IQCM: variants seen among roughly 807,000 people sequenced by gnomAD.
IQCM encodes IQ motif containing M.
IQCM carries 45 observed loss-of-function variants against 57.6 expected under a neutral mutation model. The ratio of observed to expected loss-of-function variants is 0.78; its 90% CI spans 0.62 to 1.00. IQCM has a LOEUF of 1.00. IQCM is among the 50% of genes least tolerant of loss of function. The pLI is 0.00. For synonymous variants in IQCM, 148 were observed against 158.9 expected (o/e 0.93, Z 0.51); for missense variants, 468 against 511.6 (o/e 0.91, Z 0.82).
At chr4:149,662,393 T>C (rs994892001) in intron 7 of IQCM, among the ~76,000 whole-genome samples, 3 of 152,050 alleles carry the variant, frequency 2.0e-5, no homozygotes, top group Non-Finnish European at 2.9e-5. Context: ...CATGTGCAGA[T>C]GTTGGATGGC....
chr4:149,643,621 G>C (rs917868751), intron 7 of IQCM, among the ~76,000 whole-genome samples: 1 of 152,250 alleles, frequency 6.6e-6, no homozygotes. Context: ...GATCTCTATG[G>C]CTTAAGTACC....
In IQCM at chr4:149,367,464, G is replaced by A. The variant is rs537618913; in HGVS notation, c.1391-15398C>T. On this transcript the variant is annotated intron_variant, in intron 13 of 13. Coordinates refer to ENST00000636793, the MANE Select transcript of IQCM (RefSeq NM_001363507.2). ...TTCACATTTTGACTTATTTACTCAA[G>A]AGGAATCTCTTGAAATCTATCCAAG... Among the ~76,000 whole-genome samples the A allele has an allele frequency of 3.2e-4, 48 of 152,008 alleles. 1 individual carries two copies. The South Asian group carries it at 9.9e-3, about 31-fold the overall frequency.
chr4:149,509,862 C>T (rs537788368), intron 12 of IQCM, among the ~76,000 whole-genome samples: 7 of 152,036 alleles, frequency 4.6e-5, no homozygotes, highest in African/African-American at 1.7e-4. Context: ...AATCTTTGGT[C>T]CAATGTACTC....
At chr4:149,373,661 T>C (rs1281150319) in intron 13 of IQCM, among the ~76,000 whole-genome samples, 1 of 152,110 alleles carries the variant, frequency 6.6e-6, no homozygotes, top group Admixed American at 6.6e-5. Context: ...ATTATTGACA[T>C]TATAATCTTA....
chr4:149,646,495 C>G (rs1285380822), intron 7 of IQCM, among the ~76,000 whole-genome samples: 1 of 151,776 alleles, frequency 6.6e-6, no homozygotes, highest in Non-Finnish European at 1.5e-5. Context: ...ATAATATCAC[C>G]TTTTACATTC....
Position 149,632,884 on chromosome 4 carries a change from G to A in IQCM, c.566-11640C>T, listed in dbSNP as rs932305247. ...GATAAATATAAAGCAAATATCGGCC[G>A]GGCGCGGTGGCTCACGCCTGTAATC... On this transcript the variant is annotated intron_variant, in intron 7 of 13. Coordinates refer to ENST00000636793, the MANE Select transcript of IQCM (RefSeq NM_001363507.2). Among the ~76,000 whole-genome samples, 8 of 152,216 alleles carry A rather than the reference G, an allele frequency of 5.3e-5. No individual in the cohort carries two copies. In the East Asian group the frequency reaches 5.8e-4, roughly 11 times the overall value.
At chr4:149,424,654 A>T (rs1734343305) in intron 13 of IQCM, among the ~76,000 whole-genome samples, 1 of 151,752 alleles carries the variant, frequency 6.6e-6, no homozygotes, top group Admixed American at 6.6e-5. Context: ...ATCTTTTTTC[A>T]TTAAAATTTA....
At chr4:149,665,629 A>T (rs1224389221) in intron 7 of IQCM, among the ~76,000 whole-genome samples, 3 of 152,126 alleles carry the variant, frequency 2.0e-5, no homozygotes, top group Non-Finnish European at 4.4e-5. Flanking sequence ...CCATGCTATC[A>T]CTTGCCTACG....
intron 2 of IQCM, among the ~76,000 whole-genome samples, chr4:149,753,022 T>A (rs1258028525): frequency 6.6e-6 from 1 of 152,188 alleles, no homozygotes; most frequent in Non-Finnish European, 1.5e-5. Context: ...GGTTCTGGAC[T>A]GGGAACTTAG....
intron 7 of IQCM, among the ~76,000 whole-genome samples, chr4:149,672,503 G>A (rs763342127): frequency 6.6e-6 from 1 of 152,062 alleles, no homozygotes; most frequent in Admixed American, 6.6e-5. Flanking sequence ...TAGCTGATTC[G>A]GTCAACTGGA....
chr4:149,617,280 A>G (rs951442147), intron 8 of IQCM, among the ~76,000 whole-genome samples: 7 of 152,152 alleles, frequency 4.6e-5, no homozygotes, highest in Non-Finnish European at 1.0e-4. Flanking sequence ...AAAGTAAACT[A>G]AAAAAACAAA....
chr4:149,685,535 T>C (rs895980134), intron 6 of IQCM, among the ~76,000 whole-genome samples: 1 of 151,656 alleles, frequency 6.6e-6, no homozygotes, highest in East Asian at 1.9e-4. Context: ...ACCCTGAGCA[T>C]GGATCTTCTA....
chr4:149,662,724 C>T (rs986479597), intron 7 of IQCM, among the ~76,000 whole-genome samples: 1 of 151,804 alleles, frequency 6.6e-6, no homozygotes, highest in Admixed American at 6.6e-5. Context: ...ATGGCTACTC[C>T]TGCTCAGTTT....
intron 2 of IQCM, chr4:149,748,704 G>A (rs952746218): frequency 5.3e-5 from 8 of 152,158 alleles, no homozygotes; most frequent in African/African-American, 1.9e-4. Flanking sequence ...AACAGATGAT[G>A]GGCTGGGGTT....
chr4:149,618,057 T>C (rs961019187), intron 8 of IQCM, among the ~76,000 whole-genome samples: 3 of 152,156 alleles, frequency 2.0e-5, no homozygotes, highest in Non-Finnish European at 4.4e-5. Context: ...AAAGTAATCC[T>C]AAGCAAAAAT....
chr4:149,506,415 G>A (rs1025335799), intron 12 of IQCM, among the ~76,000 whole-genome samples: 2 of 152,178 alleles, frequency 1.3e-5, no homozygotes, highest in Admixed American at 1.3e-4. Context: ...AGAGAAGAGT[G>A]CAACAAGAGT....
intron 13 of IQCM, among the ~76,000 whole-genome samples, chr4:149,419,777 A>G (rs544964613): frequency 1.3e-5 from 2 of 152,262 alleles, no homozygotes; most frequent in African/African-American, 4.8e-5. Context: ...TCTACAAGAA[A>G]CTTAAACAAA....
At chr4:149,565,769 A>G (rs1010390486) in intron 9 of IQCM, among the ~76,000 whole-genome samples, 1 of 152,146 alleles carries the variant, frequency 6.6e-6, no homozygotes, top group Non-Finnish European at 1.5e-5. Context: ...TGAGGCTGCT[A>G]GTTCTCTTTG....
intron 12 of IQCM, among the ~76,000 whole-genome samples, chr4:149,455,028 G>C (rs564212114): frequency 6.6e-6 from 1 of 151,912 alleles, no homozygotes; most frequent in African/African-American, 2.4e-5. Flanking sequence ...CATAAGATTC[G>C]ACTTACAATT....
Sources: allele counts gnomAD v4.1 joint callset (sites outside exome capture counted in the v4.1 genomes callset), GRCh38; gene constraint gnomAD v4.1.1; transcripts MANE v1.5; gene names NCBI Gene and HGNC (gene_info 2026-07-23, HGNC 2026-07-21).